TLN2: variants seen among roughly 807,000 people sequenced by gnomAD.
The protein encoded by TLN2 is talin-2.
TLN2 carries 118 observed loss-of-function variants against 294.7 expected under a neutral mutation model. The ratio of observed to expected loss-of-function variants is 0.40; its 90% CI spans 0.34 to 0.47. TLN2 has a LOEUF of 0.47. Ranked by LOEUF, TLN2 falls within the 20% of genes least tolerant of loss-of-function variation. TLN2 has a pLI of 0.84. For missense variants in TLN2, 3,083 were observed against 3,282.2 expected, an observed-to-expected ratio of 0.94 and a Z score of 1.48; for synonymous variants, 1,431 against 1,304.5, an observed-to-expected ratio of 1.10 and a Z score of -2.09.
At chr15:62,441,327 G>A (rs2035534018) in intron 1 of TLN2, among the ~76,000 whole-genome samples, 1 of 152,176 alleles carries the variant, frequency 6.6e-6, no homozygotes, top group Admixed American at 6.5e-5. Flanking sequence ...GAACTCCTGG[G>A]CTCACGTGAT....
rs115380527 is a variant in TLN2, at chr15:62,539,094, G to A, written c.-237-50593G>A. Among the ~76,000 whole-genome samples the A allele has an allele frequency of 9.3e-3, 1,422 of 152,258 alleles. 17 individuals carry two copies. The highest frequency in any genetic ancestry group is 0.033 in the African/African-American group (1,371 of 41,538). ...CAGCAAAAACCATAGCTTACCTGCCGGCAAAGATTTGATGACTTTCTCTCC... is the reference window on the plus strand; with the variant it reads ...CAGCAAAAACCATAGCTTACCTGCCAGCAAAGATTTGATGACTTTCTCTCC... On this transcript the variant is annotated intron_variant, in intron 1 of 58. Coordinates refer to ENST00000636159, the MANE Select transcript of TLN2 (RefSeq NM_015059.3).
intron 1 of TLN2, among the ~76,000 whole-genome samples, chr15:62,412,306 G>A (rs144153296): frequency 6.6e-6 from 1 of 152,188 alleles, no homozygotes; most frequent in Non-Finnish European, 1.5e-5. Flanking sequence ...GTGGTAACAA[G>A]GGCTGATAAC....
chr15:62,416,524 A>G (rs1317740988), intron 1 of TLN2, among the ~76,000 whole-genome samples: 2 of 152,210 alleles, frequency 1.3e-5, no homozygotes, highest in Non-Finnish European at 2.9e-5. Flanking sequence ...TATGTTTTCA[A>G]GATTAAATTG....
intron 45 of TLN2, among the ~76,000 whole-genome samples, chr15:62,791,451 G>C (rs946659226): frequency 1.6e-4 from 24 of 152,124 alleles, no homozygotes; most frequent in African/African-American, 5.8e-4. Context: ...AAAGTTCTTT[G>C]GGCCTTTAAG....
intron 9 of TLN2, among the ~76,000 whole-genome samples, chr15:62,660,796 T>A (rs190923007): frequency 6.6e-6 from 1 of 152,224 alleles, no homozygotes; most frequent in Non-Finnish European, 1.5e-5. Context: ...ACAAGGGAGA[T>A]ATTATATACT....
chr15:62,567,387 T>A (rs1353312018), intron 1 of TLN2, among the ~76,000 whole-genome samples: 1 of 152,200 alleles, frequency 6.6e-6, no homozygotes, highest in Non-Finnish European at 1.5e-5. Context: ...TCAGAGTCCT[T>A]CCCTAAAAGA....
intron 57 of TLN2, among the ~76,000 whole-genome samples, chr15:62,837,565 G>T (rs769140469): frequency 6.6e-6 from 1 of 152,146 alleles, no homozygotes; most frequent in African/African-American, 2.4e-5. Context: ...CATCATTACC[G>T]ATTTAACTGG....
chr15:62,802,649 C>A (rs1378646047), intron 50 of TLN2, among the ~76,000 whole-genome samples: 3 of 152,166 alleles, frequency 2.0e-5, no homozygotes, highest in South Asian at 4.1e-4. Flanking sequence ...GAGGAATCTC[C>A]AAACTCTTCT....
In TLN2 at chr15:62,792,794, A is replaced by C; in HGVS notation, c.5883+7A>C. The stretch of plus-strand genomic sequence containing the variant: ...CCGTGCCGTCACGGAAAAGGTAAGG[A>C]GCAGCCCTCAGTTTAGAGTCACAAG... On this transcript the variant is annotated splice_region_variant and intron_variant, in intron 46 of 58. Transcript: ENST00000636159. 6.2e-7 allele frequency: 1 copy of C among 1,613,830 alleles called. No individual in the cohort carries two copies. The highest frequency in any genetic ancestry group is 8.5e-7 in the Non-Finnish European group (1 of 1,179,982).
chr15:62,696,587 A>G lies in TLN2; in HGVS notation c.1293-1101A>G, dbSNP rs184827628. 4.8e-3 allele frequency among the ~76,000 whole-genome samples: 737 copies of G among 152,262 alleles called. 5 individuals are homozygous for G. The highest frequency in any genetic ancestry group is 0.017 in the African/African-American group (694 of 41,550). ...GCCAGGTGTGGTGGCAGGTGCTGGT[A>G]ATCCCAGCTACTTGGGAGGCTGAGG... On this transcript the variant is annotated intron_variant, in intron 14 of 58. Transcript: ENST00000636159.
At chr15:62,727,373 A>G (rs1490947687) in intron 28 of TLN2, among the ~76,000 whole-genome samples, 184 bp downstream of exon 28, 1 of 152,172 alleles carries the variant, frequency 6.6e-6, no homozygotes, top group Non-Finnish European at 1.5e-5. Flanking sequence ...AGACTAATAA[A>G]TTGTGATTCC....
At chr15:62,729,524 G>C (rs2140938788) in intron 28 of TLN2, among the ~76,000 whole-genome samples, 1 of 149,602 alleles carries the variant, frequency 6.7e-6, no homozygotes, top group Middle Eastern at 3.5e-3. Context: ...TTTTCTCTCA[G>C]TACAGTTTTA....
rs1482483891 is a variant in TLN2, at chr15:62,815,173, TCTGTCACACACA to T, written c.6772-4341_6772-4330del. Among the ~76,000 whole-genome samples the T allele has an allele frequency of 1.7e-3, 230 of 134,044 alleles. 1 individual carries two copies. The highest frequency in any genetic ancestry group is 5.7e-3 in the African/African-American group (212 of 37,010). 87.9% of individuals were successfully genotyped at this position (134,044 alleles called of 152,430 possible). On this transcript the variant is annotated intron_variant, in intron 52 of 58. Transcript: ENST00000636159. Reference sequence around the variant, plus strand: ...TTAAAAACTGGAGATTTTTATTCTGTCTGTCACACACACACACACACACACACACACACACAC... The same window carrying T: ...TTAAAAACTGGAGATTTTTATTCTGTCACACACACACACACACACACACAC...
intron 20 of TLN2, among the ~76,000 whole-genome samples, chr15:62,707,995 C>T (rs1375948153): frequency 6.6e-6 from 1 of 152,034 alleles, no homozygotes; most frequent in African/African-American, 2.4e-5. Context: ...GTAAGATTTG[C>T]AGCATCGTCT....
intron 2 of TLN2, among the ~76,000 whole-genome samples, chr15:62,596,540 C>T (rs2046534482): frequency 6.6e-6 from 1 of 151,966 alleles, no homozygotes; most frequent in African/African-American, 2.4e-5. Context: ...GAGTTCGAGA[C>T]CAGCCTGGCC....
intron 1 of TLN2, among the ~76,000 whole-genome samples, chr15:62,582,558 T>G (rs1596239519): frequency 6.6e-6 from 1 of 152,002 alleles, no homozygotes; most frequent in Non-Finnish European, 1.5e-5. Context: ...ACAGCTAGAT[T>G]GAATGGGGGT....
At chr15:62,430,657 T>G (rs1489885506) in intron 1 of TLN2, among the ~76,000 whole-genome samples, 1 of 152,122 alleles carries the variant, frequency 6.6e-6, no homozygotes, top group Admixed American at 6.5e-5. Context: ...AACGAACCAA[T>G]AAATATTTAT....
chr15:62,601,448 A>G (rs1396496765), intron 2 of TLN2, among the ~76,000 whole-genome samples: 1 of 152,136 alleles, frequency 6.6e-6, no homozygotes, highest in Non-Finnish European at 1.5e-5. Flanking sequence ...TTGAATCTCA[A>G]GGTTTGGTCA....
intron 44 of TLN2, among the ~76,000 whole-genome samples, chr15:62,783,146 A>C (rs563273452): frequency 1.3e-5 from 2 of 152,352 alleles, no homozygotes; most frequent in Admixed American, 6.5e-5. Flanking sequence ...TTTGTGGCTA[A>C]AACCTTGTCA....
Sources: gnomAD v4.1 joint callset for allele counts (sites outside exome capture counted in the v4.1 genomes callset) on GRCh38, gnomAD v4.1.1 for gene constraint, MANE v1.5 for transcripts, NCBI Gene and HGNC (gene_info 2026-07-23, HGNC 2026-07-21) for gene names.